The following SNX19 variants were observed in gnomAD, a reference collection of about 807,000 sequenced individuals.
SNX19 encodes sorting nexin 19.
Under a neutral mutation model 85.2 loss-of-function variants are expected in SNX19, and 60 were observed. The observed-to-expected ratio is 0.70, with a 90% confidence interval of 0.57 to 0.87. The LOEUF is 0.87. Among genes scored for constraint, SNX19 ranks in the 40% least tolerant of loss-of-function variants. The pLI, the probability that SNX19 is intolerant of heterozygous loss-of-function variation, is 0.00. For synonymous variants in SNX19, 520 were observed against 470.0 expected (o/e 1.11, Z -1.38); for missense variants, 1,201 against 1,217.8 (o/e 0.99, Z 0.21).
chr11:130,915,459 GAGTC>G lies in SNX19; in HGVS notation c.477_480del (p.Thr160SerfsTer56), dbSNP rs1227306049. 1.3e-5 allele frequency: 21 copies of G among 1,614,126 alleles called. No homozygotes were observed. The highest frequency in any genetic ancestry group is 1.6e-5 in the Non-Finnish European group (19 of 1,180,050). ...TAGCTCTGCAGGTGACAACCGCAGA[GAGTC>G]AGAACACTCTGGGCAACAGCATGAC... On this transcript the variant is annotated frameshift_variant, in exon 1 of 11. Transcript: ENST00000265909. LOFTEE classifies it high-confidence loss of function.
chr11:130,870,765 A>G lies in SNX19; in HGVS notation c.*7657T>C, dbSNP rs755295014. ...TGCCTCTTAAATAAACATAATCTTT[A>G]ATTAAGTAAACTTTAATATTTATTT... On this transcript the variant is annotated 3_prime_UTR_variant, in exon 11 of 11. Transcript: ENST00000265909. Among the ~76,000 whole-genome samples the G allele has an allele frequency of 6.6e-6, 1 of 151,868 alleles. No homozygotes were observed. The highest frequency in any genetic ancestry group is 1.5e-5 in the Non-Finnish European group (1 of 67,958).
intron 8 of SNX19, among the ~76,000 whole-genome samples, chr11:130,902,409 A>C (rs1945319927): frequency 6.6e-6 from 1 of 152,210 alleles, no homozygotes; most frequent in Admixed American, 6.5e-5. Context: ...TAAAGAATAG[A>C]TACATAATTC....
intron 8 of SNX19, among the ~76,000 whole-genome samples, chr11:130,890,454 G>C (rs1944416249): frequency 6.6e-6 from 1 of 152,084 alleles, no homozygotes. Context: ...GTCATCATCT[G>C]TTTATGTTTT....
chr11:130,882,928 C>T (rs1943783623), intron 8 of SNX19, among the ~76,000 whole-genome samples: 1 of 152,202 alleles, frequency 6.6e-6, no homozygotes, highest in South Asian at 2.1e-4. Context: ...CTAGACTGAA[C>T]ATGTTGTAAC....
At chr11:130,903,419 A>ATCT in intron 7 of SNX19, 35 bp from the exon 8 acceptor site, 1 of 1,606,060 alleles carries the variant, frequency 6.2e-7, no homozygotes, top group Non-Finnish European at 8.5e-7. Flanking sequence ...GTAACTCAGA[A>ATCT]GAGACCCATA....
At chr11:130,894,514 T>C (rs57336947) in intron 8 of SNX19, among the ~76,000 whole-genome samples, 24,568 of 152,216 alleles carry the variant, frequency 0.16, 2,208 homozygotes, top group Middle Eastern at 0.25. Flanking sequence ...ATATACTGTA[T>C]CAACATCACG....
intron 8 of SNX19, among the ~76,000 whole-genome samples, chr11:130,891,757 T>A (rs988471978): frequency 6.6e-6 from 1 of 152,004 alleles, no homozygotes; most frequent in African/African-American, 2.4e-5. Flanking sequence ...ATTTTTAGGA[T>A]AAATAAGACT....
intron 8 of SNX19, chr11:130,893,700 A>G (rs1944665759): frequency 1.5e-6 from 1 of 672,364 alleles, no homozygotes; most frequent in South Asian, 1.6e-5. Context: ...AGTAATAAAT[A>G]AAACTGGAAA....
In SNX19 at chr11:130,877,600, G is replaced by A. The variant is rs1943336081; in HGVS notation, c.*822C>T. ...CAGCTTGTCATGCAGTTTTGCTGAA[G>A]ACAGAGAGAGGGTCAAAAATTCAAA... is the stretch of plus-strand genomic sequence containing the variant. On this transcript the variant is annotated 3_prime_UTR_variant, in exon 11 of 11. Coordinates refer to ENST00000265909, the MANE Select transcript of SNX19 (RefSeq NM_014758.3). The A allele has an allele frequency of 6.6e-6, 1 of 152,542 alleles. No individual in the cohort carries two copies. Among genetic ancestry groups the A allele is most frequent in the Admixed American group, 6.5e-5 (1 of 15,276 alleles). The allele number at this position is 152,542 out of a possible 1,614,324, so 9.4% of individuals were successfully genotyped here.
rs1173063772 is a variant in SNX19, at chr11:130,875,278, C to CTT, written c.*3142_*3143dup. Among the ~76,000 whole-genome samples the CTT allele has an allele frequency of 6.6e-6, 1 of 152,176 alleles. No individual in the cohort carries two copies. Among genetic ancestry groups the CTT allele is most frequent in the Non-Finnish European group, 1.5e-5 (1 of 68,036 alleles). Reference sequence around the variant, plus strand: ...AAAGGACAAACACTGCATGATTCCACTTATATGAGGCGTTCAAAGTAGTCA... The same window carrying CTT: ...AAAGGACAAACACTGCATGATTCCACTTTTATATGAGGCGTTCAAAGTAGTCA... On this transcript the variant is annotated 3_prime_UTR_variant, in exon 11 of 11. Coordinates refer to ENST00000265909, the MANE Select transcript of SNX19 (RefSeq NM_014758.3).
chr11:130,911,548 C>T (rs961245812), intron 2 of SNX19, 85 bp downstream of exon 2: 51 of 1,585,398 alleles, frequency 3.2e-5, no homozygotes, highest in African/African-American at 2.0e-4. Context: ...TTCTCCTCCC[C>T]GATCCCTCCC....
intron 8 of SNX19, among the ~76,000 whole-genome samples, chr11:130,899,408 A>C (rs1210132153): frequency 6.6e-6 from 1 of 152,162 alleles, no homozygotes; most frequent in African/African-American, 2.4e-5. Flanking sequence ...TTCCTATCTT[A>C]AGGAGGCTTC....
chr11:130,890,090 C>A (rs1944392669), intron 8 of SNX19, among the ~76,000 whole-genome samples: 1 of 152,078 alleles, frequency 6.6e-6, no homozygotes, highest in Admixed American at 6.5e-5. Flanking sequence ...AACCACAACC[C>A]CAATATGCTG....
At chr11:130,883,923 A>G (rs1055282814) in intron 8 of SNX19, among the ~76,000 whole-genome samples, 2 of 152,250 alleles carry the variant, frequency 1.3e-5, no homozygotes, top group African/African-American at 4.8e-5. Flanking sequence ...AAATTTTTTA[A>G]GCTGTAATTC....
At position 130,870,936 on chromosome 11, in the gene SNX19, A is replaced by G. The variant is rs1255262228; in HGVS notation, c.*7486T>C. On this transcript the variant is annotated 3_prime_UTR_variant, in exon 11 of 11. Coordinates refer to ENST00000265909, the MANE Select transcript of SNX19 (RefSeq NM_014758.3). ...GACTTCATATACATGCACATTGACTAGAGAGGCAGTGTAAATAACTGAAAA... is the reference window on the plus strand; with the variant it reads ...GACTTCATATACATGCACATTGACTGGAGAGGCAGTGTAAATAACTGAAAA... Among the ~76,000 whole-genome samples, 2 of 152,258 alleles carry G rather than the reference A, an allele frequency of 1.3e-5. No homozygotes were observed. The highest frequency in any genetic ancestry group is 4.8e-5 in the African/African-American group (2 of 41,554).
At chr11:130,913,739 G>C (rs1946326719) in intron 1 of SNX19, among the ~76,000 whole-genome samples, 1 of 152,140 alleles carries the variant, frequency 6.6e-6, no homozygotes, top group African/African-American at 2.4e-5. Flanking sequence ...GTCTATCTCA[G>C]AAGATAGCAA....
chr11:130,874,791 T>C lies in SNX19; in HGVS notation c.*3631A>G, dbSNP rs940458853. Among the ~76,000 whole-genome samples, 3 of 152,202 alleles carry C rather than the reference T, an allele frequency of 2.0e-5. No homozygotes were observed. Among genetic ancestry groups the C allele is most frequent in the African/African-American group, 4.8e-5 (2 of 41,452 alleles). On this transcript the variant is annotated 3_prime_UTR_variant, in exon 11 of 11. Transcript: ENST00000265909. The stretch of plus-strand genomic sequence containing the variant: ...GAAGACTCAAAAATGTTCTAGGCTA[T>C]GCAAATCAAAACCATGAGATAGTAA...
At chr11:130,884,939 G>GTAA (rs1943953455) in intron 8 of SNX19, among the ~76,000 whole-genome samples, 2 of 151,270 alleles carry the variant, frequency 1.3e-5, no homozygotes, top group Non-Finnish European at 2.9e-5. Flanking sequence ...TCTTGTTCAT[G>GTAA]TAATACAAGA....
intron 8 of SNX19, among the ~76,000 whole-genome samples, chr11:130,891,135 T>C (rs1425679260): frequency 6.6e-6 from 1 of 152,214 alleles, no homozygotes. Context: ...TAAAAAATCA[T>C]GGACAATATA....
Sources: allele counts gnomAD v4.1 joint callset (sites outside exome capture counted in the v4.1 genomes callset), GRCh38; gene constraint gnomAD v4.1.1; transcripts MANE v1.5; gene names NCBI Gene and HGNC (gene_info 2026-07-23, HGNC 2026-07-21).